Variants in GRIN2D observed in about 807,000 individuals in gnomAD.
The protein encoded by GRIN2D is glutamate receptor ionotropic, NMDA 2D.
Under a neutral mutation model 103.2 loss-of-function variants are expected in GRIN2D, and 37 were observed. The observed-to-expected ratio is 0.36, with a 90% CI of 0.28 to 0.47. The LOEUF (loss-of-function observed/expected upper bound fraction) is 0.47. Ranked by LOEUF, GRIN2D falls within the 20% of genes least tolerant of loss-of-function variation. The probability of loss-of-function intolerance (pLI) is 1.00; values close to 1 mark genes in which losing one functional copy is unlikely to be tolerated. For missense variants in GRIN2D, 1,557 were observed against 1,910.6 expected (o/e 0.81, Z 3.45); for synonymous variants, 845 against 885.6 (o/e 0.95, Z 0.81).
intron 8 of GRIN2D, among the ~76,000 whole-genome samples, chr19:48,418,369 G>C (rs757585497): frequency 6.6e-5 from 10 of 152,078 alleles, no homozygotes; most frequent in African/African-American, 9.7e-5. Context: ...GTGCTTGAGA[G>C]AGTGATCAGG....
chr19:48,436,846 G>C (rs1228485188), intron 11 of GRIN2D, among the ~76,000 whole-genome samples: 1 of 152,142 alleles, frequency 6.6e-6, no homozygotes, highest in African/African-American at 2.4e-5. Flanking sequence ...CAGAGTGAGG[G>C]GGGGCTTGGG....
chr19:48,429,402 A>T (rs542381755), intron 11 of GRIN2D, among the ~76,000 whole-genome samples: 29 of 149,644 alleles, frequency 1.9e-4, no homozygotes, highest in Admixed American at 1.9e-3. Flanking sequence ...ATTTTATTTT[A>T]TTTATTTATT....
In GRIN2D at chr19:48,443,549, C is replaced by T. The variant is rs2147477706; in HGVS notation, c.3623C>T (p.Ala1208Val). 4 of 1,273,248 alleles carry T rather than the reference C, an allele frequency of 3.1e-6. No homozygotes were observed. Among genetic ancestry groups the T allele is most frequent in the Non-Finnish European group, 4.0e-6 (4 of 1,010,174 alleles). The allele number at this position is 1,273,248 out of a possible 1,614,324, so 78.9% of individuals were successfully genotyped here. A position where few individuals can be genotyped will look rare whatever the true frequency, so the allele number is the denominator to read the frequency against. The stretch of plus-strand genomic sequence containing the variant: ...GATGGCCTGGACGGCGGCTGGTGGG[C>T]GCCACCGCCTCCACCCTGGGCCGCC... ...SHDGLDGGWWAPPPPPWAAGP... is the reference protein window; with the variant it reads ...SHDGLDGGWWVPPPPPWAAGP... Residue 1208 changes from alanine (A) to valine (V), a missense_variant, in exon 14 of 14, where the codon GCG (alanine) becomes GTG (valine). Ala to Val is a moderately conservative substitution (Grantham distance 64). Transcript: ENST00000263269. This position sits in a 1 kb window ranked among gnomAD's most constrained non-coding sequence, Gnocchi z 8.9.
chr19:48,412,352 C>G (rs933885841), intron 4 of GRIN2D, among the ~76,000 whole-genome samples: 1 of 131,418 alleles, frequency 7.6e-6, no homozygotes, highest in Non-Finnish European at 1.7e-5. Context: ...TAAATACATA[C>G]ATACATACAT....
chr19:48,431,282 G>A (rs984411892), intron 11 of GRIN2D, among the ~76,000 whole-genome samples: 1 of 152,170 alleles, frequency 6.6e-6, no homozygotes. Flanking sequence ...TTGCTTCCTT[G>A]TTCTTTTGAG....
intron 11 of GRIN2D, among the ~76,000 whole-genome samples, chr19:48,430,611 G>A (rs1288829934): frequency 6.6e-6 from 1 of 152,066 alleles, no homozygotes; most frequent in Non-Finnish European, 1.5e-5. Flanking sequence ...CACCATGCCT[G>A]GTCTATTTTT....
intron 11 of GRIN2D, among the ~76,000 whole-genome samples, chr19:48,427,164 T>C (rs996339732): frequency 6.6e-6 from 1 of 151,366 alleles, no homozygotes; most frequent in African/African-American, 2.4e-5. Context: ...TACAAAAAAA[T>C]ACAAAAATTA....
chr19:48,424,690 A>G (rs986381579), intron 11 of GRIN2D, among the ~76,000 whole-genome samples: 1 of 152,132 alleles, frequency 6.6e-6, no homozygotes, highest in Admixed American at 6.6e-5. Context: ...GCTGTCTTTG[A>G]TATCTGTGGC....
intron 8 of GRIN2D, 68 bp downstream of exon 8, chr19:48,416,223 T>G: frequency 6.9e-7 from 1 of 1,445,030 alleles, no homozygotes; most frequent in Non-Finnish European, 9.5e-7. Flanking sequence ...GTGTGGGCCC[T>G]GGGATCAGAA....
intron 4 of GRIN2D, among the ~76,000 whole-genome samples, chr19:48,407,718 A>G (rs1970808811): frequency 6.6e-6 from 1 of 152,242 alleles, no homozygotes. Context: ...CTCAGAGCTT[A>G]CAATCTGATA....
chr19:48,402,723 CAAAAA>C (rs773669453), intron 3 of GRIN2D, among the ~76,000 whole-genome samples: 1 of 43,124 alleles, frequency 2.3e-5, no homozygotes, highest in African/African-American at 8.1e-5. Flanking sequence ...GACTCCGTCT[CAAAAA>C]AAAAAAAAAA....
chr19:48,404,817 C>T lies in GRIN2D; in HGVS notation c.549C>T (p.Asp183=). 3 of 1,614,184 alleles carry T rather than the reference C, an allele frequency of 1.9e-6. No homozygotes were observed. The highest frequency in any genetic ancestry group is 8.5e-7 in the Non-Finnish European group (1 of 1,180,022). Residue 183 remains aspartate, a synonymous_variant, in exon 4 of 14, where the codon GAC becomes GAT. Coordinates refer to ENST00000263269, the MANE Select transcript of GRIN2D (RefSeq NM_000836.4). The part of the protein sequence containing the change: ...QVIFEVLEEY[D]WTSFVAVTTR... ...TCTTTGAGGTGCTGGAGGAGTATGACTGGACGTCCTTTGTAGCCGTGACCA... is the reference window on the plus strand; with the variant it reads ...TCTTTGAGGTGCTGGAGGAGTATGATTGGACGTCCTTTGTAGCCGTGACCA...
intron 11 of GRIN2D, among the ~76,000 whole-genome samples, chr19:48,441,382 A>AAAAGAAAG (rs1555894965): frequency 9.4e-6 from 1 of 105,948 alleles, no homozygotes; most frequent in Non-Finnish European, 2.0e-5. Flanking sequence ...AAAAAAAAAA[A>AAAAGAAAG]AAAGAAAGAA....
At chr19:48,407,888 G>C (rs1157659439) in intron 4 of GRIN2D, among the ~76,000 whole-genome samples, 1 of 152,264 alleles carries the variant, frequency 6.6e-6, no homozygotes, top group East Asian at 1.9e-4. Flanking sequence ...GTGAAATTTG[G>C]AGGTTAAAAA....
At position 48,444,892 on chromosome 19, in the gene GRIN2D, T is replaced by C. The variant is rs1971364314; in HGVS notation, c.*955T>C. On this transcript the variant is annotated 3_prime_UTR_variant, in exon 14 of 14. Coordinates refer to ENST00000263269, the MANE Select transcript of GRIN2D (RefSeq NM_000836.4). This position sits in a 1 kb window ranked among gnomAD's most constrained non-coding sequence, Gnocchi z 5.5. ...TCCCTTCCCACTCTCTTATTCCACA[T>C]TGCAGTGTTTGGAATAAACCATGTT... The C allele has an allele frequency of 6.6e-6, 1 of 152,268 alleles. No homozygotes were observed. Among genetic ancestry groups the C allele is most frequent in the Non-Finnish European group, 1.5e-5 (1 of 68,088 alleles). 9.4% of individuals were successfully genotyped at this position (152,268 alleles called of 1,614,324 possible).
chr19:48,402,034 A>C (rs1970715443), intron 3 of GRIN2D, among the ~76,000 whole-genome samples: 1 of 151,596 alleles, frequency 6.6e-6, no homozygotes, highest in Non-Finnish European at 1.5e-5. Flanking sequence ...CAGGAGGTGG[A>C]GGTTGCAGTG....
intron 2 of GRIN2D, among the ~76,000 whole-genome samples, chr19:48,396,795 G>C (rs1037884071): frequency 6.6e-6 from 1 of 152,022 alleles, no homozygotes; most frequent in Non-Finnish European, 1.5e-5. Context: ...CTGTCTGTGG[G>C]GTGGACGAGG....
intron 11 of GRIN2D, among the ~76,000 whole-genome samples, chr19:48,434,742 T>C (rs1971208374): frequency 6.6e-6 from 1 of 151,992 alleles, no homozygotes; most frequent in South Asian, 2.1e-4. Context: ...CCTGAACTTT[T>C]GTTAAATTTA....
rs1012338139 is a variant in GRIN2D at position 48,394,207 on chromosome 19, CCCT to C, written c.-306+344_-306+346del. ...TGTGTGTGTGTGTCTGTGTGTGTGT[CCCT>C]CCTCAAGCTCTGGGGGTGTTGAGGG... On this transcript the variant is annotated intron_variant, in intron 1 of 13. Transcript: ENST00000263269. The surrounding 1 kb of genome is among the most constrained non-coding windows in gnomAD (Gnocchi z 5.1). Among the ~76,000 whole-genome samples, 1 of 151,816 alleles carries C rather than the reference CCCT, an allele frequency of 6.6e-6. No homozygotes were observed. Among genetic ancestry groups the C allele is most frequent in the Non-Finnish European group, 1.5e-5 (1 of 67,904 alleles).
Sources: allele counts gnomAD v4.1 joint callset (sites outside exome capture counted in the v4.1 genomes callset), GRCh38; gene constraint gnomAD v4.1.1; non-coding constraint Gnocchi (gnomAD v3.1); transcripts MANE v1.5; gene names NCBI Gene and HGNC (gene_info 2026-07-23, HGNC 2026-07-21).